DOCK3: variants seen among roughly 807,000 people sequenced by gnomAD.
DOCK3 encodes dedicator of cytokinesis protein 3.
In DOCK3, 60 loss-of-function variants were observed where a neutral mutation model predicts 265.6. The ratio of observed to expected loss-of-function variants is 0.23; its 90% CI spans 0.18 to 0.28. The LOEUF is 0.28. Among genes scored for constraint, DOCK3 ranks in the 10% least tolerant of loss-of-function variants. The pLI is 1.00. For synonymous variants in DOCK3, 881 were observed against 938.0 expected (o/e 0.94, Z 1.11); for missense variants, 1,981 against 2,594.3 (o/e 0.76, Z 5.14).
rs572571108 is a variant in DOCK3 at position 51,209,480 on chromosome 3, C to G, written c.1126+618C>G. 3.2e-4 allele frequency among the ~76,000 whole-genome samples: 48 copies of G among 152,256 alleles called. No individual in the cohort carries two copies. The South Asian group carries it at 9.3e-3, about 30-fold the overall frequency. On this transcript the variant is annotated intron_variant, in intron 13 of 52. Transcript: ENST00000266037. The stretch of plus-strand genomic sequence containing the variant: ...ATATTGTTTTCTAAGTTCATTAATG[C>G]TTGATTAAATTAGAAGCATTATTTA...
chr3:51,381,466 T>G lies in DOCK3; in HGVS notation c.6000T>G (p.Pro2000=), dbSNP rs782734707. The G allele has an allele frequency of 2.0e-5, 32 of 1,597,310 alleles. No individual in the cohort carries two copies. Among genetic ancestry groups the G allele is most frequent in the Non-Finnish European group, 2.7e-5 (32 of 1,172,668 alleles). The change falls in exon 53 of 53, where the codon CCT becomes CCG. Residue 2000 remains proline, a synonymous_variant. Transcript: ENST00000266037. This position sits in a 1 kb window ranked among gnomAD's most constrained non-coding sequence, Gnocchi z 5.6. ...GVLLREETER[P]RGLHRKAPLP... ...TGCTGCGTGAAGAGACTGAGAGGCC[T>G]CGAGGCCTGCACCGCAAGGCTCCAT...
chr3:51,042,297 G>A (rs1235077236), intron 5 of DOCK3, among the ~76,000 whole-genome samples: 1 of 152,186 alleles, frequency 6.6e-6, no homozygotes, highest in Admixed American at 6.6e-5. Context: ...ATCAATAAAT[G>A]TGATTCATGA....
At chr3:51,288,086 T>G (rs2109095240) in intron 27 of DOCK3, among the ~76,000 whole-genome samples, 1 of 152,288 alleles carries the variant, frequency 6.6e-6, no homozygotes, top group South Asian at 2.1e-4. Flanking sequence ...CATTGAGTAC[T>G]CATGGACATA....
chr3:50,807,405 C>A (rs34712521), intron 2 of DOCK3, among the ~76,000 whole-genome samples: 13,271 of 152,076 alleles, frequency 0.087, 795 homozygotes, highest in Non-Finnish European at 0.12. Context: ...AGAACTCACT[C>A]ACCTTCCCTC....
At chr3:50,862,273 T>C (rs924761875) in intron 3 of DOCK3, among the ~76,000 whole-genome samples, 6 of 152,232 alleles carry the variant, frequency 3.9e-5, no homozygotes, top group Non-Finnish European at 8.8e-5. Flanking sequence ...TGTAGCCATG[T>C]ATTGGATGAA....
At position 50,792,890 on chromosome 3, in the gene DOCK3, C is replaced by T. The variant is rs1322601543; in HGVS notation, c.121+14132C>T. On this transcript the variant is annotated intron_variant, in intron 2 of 52. Transcript: ENST00000266037. The stretch of plus-strand genomic sequence containing the variant: ...TTGAGGATATTGGCCTGTTCTCTGC[C>T]AGGTTTTGATATCAGGATGATGCTG... Among the ~76,000 whole-genome samples the T allele has an allele frequency of 3.9e-5, 6 of 152,056 alleles. No homozygotes were observed. The East Asian group carries it at 1.2e-3, about 29-fold the overall frequency.
intron 12 of DOCK3, among the ~76,000 whole-genome samples, chr3:51,190,241 A>G (rs1226609925): frequency 3.3e-5 from 5 of 152,146 alleles, no homozygotes; most frequent in East Asian, 1.9e-4. Flanking sequence ...TGTGAATGCT[A>G]CTGCTCTCTG....
chr3:50,917,055 G>GA (rs1314735695), intron 4 of DOCK3, among the ~76,000 whole-genome samples: 4 of 151,934 alleles, frequency 2.6e-5, no homozygotes, highest in Non-Finnish European at 5.9e-5. Flanking sequence ...TCATAGTAAT[G>GA]ATGTATTATT....
At chr3:50,925,358 T>A (rs2050702576) in intron 4 of DOCK3, among the ~76,000 whole-genome samples, 1 of 152,222 alleles carries the variant, frequency 6.6e-6, no homozygotes, top group South Asian at 2.1e-4. Flanking sequence ...CAAAGTCAAA[T>A]AAATGACAAA....
intron 5 of DOCK3, among the ~76,000 whole-genome samples, chr3:51,015,163 C>T: frequency 6.6e-6 from 1 of 152,018 alleles, no homozygotes; most frequent in Admixed American, 6.6e-5. Flanking sequence ...ACTTCCAGTA[C>T]TATTTTGAAT....
rs530294330 is a variant in DOCK3, at chr3:51,248,002, G to A, written c.2184+1195G>A. Among the ~76,000 whole-genome samples, 20 of 152,268 alleles carry A rather than the reference G, an allele frequency of 1.3e-4. No homozygotes were observed. In the South Asian group the frequency reaches 2.5e-3, roughly 19 times the overall value. ...GCTTAAGGATACCGGAGAAGGCAGC[G>A]CAGAAGTTGTTTTCTCCTAAAAATC... is the stretch of plus-strand genomic sequence containing the variant. On this transcript the variant is annotated intron_variant, in intron 22 of 52. Coordinates refer to ENST00000266037, the MANE Select transcript of DOCK3 (RefSeq NM_004947.5).
At chr3:51,170,900 G>A (rs1056355929) in intron 12 of DOCK3, among the ~76,000 whole-genome samples, 1 of 143,072 alleles carries the variant, frequency 7.0e-6, no homozygotes, top group Admixed American at 7.2e-5. Context: ...CCAAGATTGT[G>A]CCACTGCACT....
At chr3:51,251,580 G>A (rs567376265) in intron 22 of DOCK3, among the ~76,000 whole-genome samples, 3 of 152,172 alleles carry the variant, frequency 2.0e-5, no homozygotes, top group Admixed American at 6.5e-5. Flanking sequence ...GTGTGAGATG[G>A]TATCTCATTG....
At chr3:51,356,345 A>G in intron 42 of DOCK3, 62 bp from the exon 43 acceptor site, 1 of 1,612,122 alleles carries the variant, frequency 6.2e-7, no homozygotes, top group Non-Finnish European at 8.5e-7. Flanking sequence ...TTTATCCCTC[A>G]GGTAGGCAGG....
intron 9 of DOCK3, among the ~76,000 whole-genome samples, chr3:51,094,629 A>AT (rs1270384464): frequency 2.0e-5 from 3 of 151,014 alleles, no homozygotes; most frequent in Non-Finnish European, 3.0e-5. Flanking sequence ...GGATTCATTG[A>AT]TTTTTTTGAA....
At chr3:51,327,959 G>T (rs1359457537) in intron 32 of DOCK3, among the ~76,000 whole-genome samples, 1 of 152,060 alleles carries the variant, frequency 6.6e-6, no homozygotes, top group Admixed American at 6.5e-5. Context: ...TGGGATTACA[G>T]GCATGAGCCA....
At chr3:50,929,113 G>A (rs2050922987) in intron 4 of DOCK3, among the ~76,000 whole-genome samples, 1 of 152,168 alleles carries the variant, frequency 6.6e-6, no homozygotes, top group Admixed American at 6.5e-5. Flanking sequence ...GTTGTAAGTC[G>A]AACAGCATTG....
rs1231454177 is a variant in DOCK3 at position 51,085,789 on chromosome 3, A to G, written c.550-3454A>G. Reference sequence around the variant, plus strand: ...AAAAAAGGAAAAACAAACTAAACCTAAAGTTAGTAGAAATAAGTAATAAAG... The same window carrying G: ...AAAAAAGGAAAAACAAACTAAACCTGAAGTTAGTAGAAATAAGTAATAAAG... On this transcript the variant is annotated intron_variant, in intron 7 of 52. Transcript: ENST00000266037. Among the ~76,000 whole-genome samples the G allele has an allele frequency of 2.0e-5, 3 of 152,220 alleles. No individual in the cohort carries two copies. The East Asian group carries it at 5.8e-4, about 29-fold the overall frequency.
intron 6 of DOCK3, among the ~76,000 whole-genome samples, chr3:51,066,814 A>G (rs1443390162): frequency 6.6e-6 from 1 of 152,160 alleles, no homozygotes; most frequent in East Asian, 1.9e-4. Flanking sequence ...TGAAGCCACA[A>G]CTTTATATCT....
Sources: gnomAD v4.1 joint callset for allele counts (sites outside exome capture counted in the v4.1 genomes callset) on GRCh38, gnomAD v4.1.1 for gene constraint, Gnocchi (gnomAD v3.1) non-coding constraint, MANE v1.5 for transcripts, NCBI Gene and HGNC (gene_info 2026-07-23, HGNC 2026-07-21) for gene names.